The following MCC variants were observed in gnomAD, a reference collection of about 807,000 sequenced individuals.
MCC encodes the protein MCC regulator of Wnt signaling pathway, also known as colorectal mutant cancer protein.
In MCC, 90 loss-of-function variants were observed where a neutral mutation model predicts 116.2. That is an observed-to-expected ratio of 0.77 (90% CI 0.65 to 0.92). The LOEUF is 0.92. Among genes scored for constraint, MCC ranks in the 40% least tolerant of loss-of-function variants. The pLI, the probability that MCC is intolerant of heterozygous loss-of-function variation, is 0.00. For synonymous variants in MCC, 578 were observed against 510.5 expected (o/e 1.13, Z -1.78); for missense variants, 1,516 against 1,312.2 (o/e 1.16, Z -2.40).
intron 1 of MCC, among the ~76,000 whole-genome samples, chr5:113,411,415 G>C (rs533548564): frequency 6.6e-6 from 1 of 152,164 alleles, no homozygotes; most frequent in Non-Finnish European, 1.5e-5. Context: ...CTTTTGAGAA[G>C]TGTCTGTTCA....
chr5:113,261,695 C>G (rs904484461), intron 3 of MCC, among the ~76,000 whole-genome samples: 45 of 152,214 alleles, frequency 3.0e-4, no homozygotes, highest in African/African-American at 1.0e-3. Flanking sequence ...AAATTAAATA[C>G]ACATCCTATT....
chr5:113,257,338 G>A (rs1174601512), intron 3 of MCC, among the ~76,000 whole-genome samples: 1 of 152,138 alleles, frequency 6.6e-6, no homozygotes, highest in African/African-American at 2.4e-5. Context: ...AATCAGGAGA[G>A]AGAGGTCAAA....
intron 5 of MCC, among the ~76,000 whole-genome samples, chr5:113,130,521 A>G (rs1383424174): frequency 1.3e-5 from 2 of 152,162 alleles, no homozygotes; most frequent in Non-Finnish European, 2.9e-5. Context: ...AGAGCCTGCT[A>G]TGGTTTGAAT....
chr5:113,260,342 T>C (rs899342545), intron 3 of MCC, among the ~76,000 whole-genome samples: 2 of 152,204 alleles, frequency 1.3e-5, no homozygotes, highest in Non-Finnish European at 2.9e-5. Flanking sequence ...TGGTATTGAT[T>C]TGCGCTTTTG....
chr5:113,105,890 C>G (rs1756701208), intron 6 of MCC, among the ~76,000 whole-genome samples: 1 of 152,226 alleles, frequency 6.6e-6, no homozygotes, highest in Non-Finnish European at 1.5e-5. Context: ...CTGTAAAACT[C>G]TGCATGATCA....
chr5:113,149,038 A>G (rs1277606047), intron 4 of MCC, among the ~76,000 whole-genome samples: 1 of 152,170 alleles, frequency 6.6e-6, no homozygotes, highest in Admixed American at 6.5e-5. Context: ...TTTAATAAAT[A>G]CCTTCCTGGT....
At position 113,122,662 on chromosome 5, in the gene MCC, T is replaced by G; in HGVS notation, c.1027+22A>C. The stretch of plus-strand genomic sequence containing the variant: ...ATCCAGAAACCAAACTCTGGCTTGG[T>G]GGCAAGGGCAGGCAGACTCACCCAT... On this transcript the variant is annotated intron_variant, in intron 6 of 18. Transcript: ENST00000408903. The G allele has an allele frequency of 1.9e-6, 3 of 1,609,768 alleles. No homozygotes were observed. The South Asian group carries it at 3.3e-5, about 18-fold the overall frequency.
chr5:113,058,140 T>C (rs1207787385), intron 14 of MCC, among the ~76,000 whole-genome samples: 2 of 152,256 alleles, frequency 1.3e-5, no homozygotes, highest in African/African-American at 4.8e-5. Flanking sequence ...TGAGGTATAT[T>C]TTCTTCAGAC....
intron 1 of MCC, among the ~76,000 whole-genome samples, chr5:113,452,111 G>C (rs554500164): frequency 6.6e-6 from 1 of 152,146 alleles, no homozygotes; most frequent in Non-Finnish European, 1.5e-5. Context: ...ATATGACTGG[G>C]GCTTCCAAGA....
intron 5 of MCC, among the ~76,000 whole-genome samples, chr5:113,127,711 ATTTG>A (rs1758149996): frequency 2.0e-5 from 3 of 151,876 alleles, no homozygotes; most frequent in South Asian, 2.1e-4. Flanking sequence ...TCTCTTGTAA[ATTTG>A]TTTAAGTTCC....
chr5:113,114,354 A>G (rs1018813903), intron 6 of MCC, among the ~76,000 whole-genome samples: 7 of 152,252 alleles, frequency 4.6e-5, no homozygotes, highest in African/African-American at 1.7e-4. Context: ...TGCAGCCACC[A>G]GAACTGGAGA....
intron 3 of MCC, among the ~76,000 whole-genome samples, chr5:113,333,791 A>ATG (rs1767759781): frequency 1.0e-5 from 1 of 98,212 alleles, no homozygotes; most frequent in African/African-American, 5.9e-5. Context: ...ATATATATTT[A>ATG]TATATATATG....
intron 9 of MCC, 131 bp downstream of exon 9, chr5:113,085,033 C>T (rs760722321): frequency 3.8e-5 from 47 of 1,248,470 alleles, no homozygotes; most frequent in Middle Eastern, 2.7e-4. Flanking sequence ...AGAAGGCCTG[C>T]GTAAGGTCCC....
chr5:113,109,446 A>G (rs534977950), intron 6 of MCC, among the ~76,000 whole-genome samples: 14 of 152,202 alleles, frequency 9.2e-5, no homozygotes, highest in Admixed American at 2.0e-4. Flanking sequence ...AGGTATCTAG[A>G]AGACGCAAAT....
chr5:113,163,763 C>A (rs1581183846), intron 3 of MCC, among the ~76,000 whole-genome samples: 1 of 152,168 alleles, frequency 6.6e-6, no homozygotes, highest in East Asian at 1.9e-4. Flanking sequence ...GAGATGATAT[C>A]ACCTGCAAAT....
At chr5:113,191,076 C>T (rs575293227) in intron 3 of MCC, among the ~76,000 whole-genome samples, 2 of 152,282 alleles carry the variant, frequency 1.3e-5, no homozygotes, top group South Asian at 4.1e-4. Flanking sequence ...CAGAAATCAT[C>T]AAATCCAAAA....
chr5:113,328,906 T>C (rs1423550204), intron 3 of MCC, among the ~76,000 whole-genome samples: 2 of 152,156 alleles, frequency 1.3e-5, no homozygotes, highest in Non-Finnish European at 2.9e-5. Flanking sequence ...CCCTGTCGAA[T>C]GGGTCCGAAG....
intron 3 of MCC, among the ~76,000 whole-genome samples, chr5:113,309,898 TTTCC>T (rs899163022): frequency 2.3e-4 from 35 of 149,382 alleles, no homozygotes; most frequent in African/African-American, 6.4e-4. Context: ...TCCTTCCTTC[TTTCC>T]TTCCTTCCTT....
At chr5:113,450,237 T>G (rs541154202) in intron 1 of MCC, among the ~76,000 whole-genome samples, 19 of 152,306 alleles carry the variant, frequency 1.2e-4, no homozygotes, top group Admixed American at 6.5e-4. Flanking sequence ...GTTACCTTAT[T>G]AGCACCTTAC....
Sources: allele counts gnomAD v4.1 joint callset (sites outside exome capture counted in the v4.1 genomes callset), GRCh38; gene constraint gnomAD v4.1.1; transcripts MANE v1.5; gene names NCBI Gene and HGNC (gene_info 2026-07-23, HGNC 2026-07-21).